Variants in BUD31 observed in about 807,000 individuals in gnomAD.
The protein encoded by BUD31 is BUD31 spliceosome associated protein, also known as protein BUD31 homolog.
A neutral mutation model predicts 17.9 loss-of-function variants in BUD31; 9 were observed. The observed-to-expected ratio is 0.50, with a 90% CI of 0.30 to 0.88. The LOEUF (loss-of-function observed/expected upper bound fraction) is 0.88, where lower values mean the gene tolerates loss of function less well. Ranked by LOEUF, BUD31 falls within the 40% of genes least tolerant of loss-of-function variation. The pLI is 0.06. For synonymous variants in BUD31, 70 were observed against 64.7 expected (o/e 1.08, Z -0.39); for missense variants, 148 against 184.5 (o/e 0.80, Z 1.15).
chr7:99,417,690 T>C (rs1469387762), intron 5 of BUD31, 95 bp downstream of exon 5: 1 of 1,557,078 alleles, frequency 6.4e-7, no homozygotes, highest in Non-Finnish European at 8.6e-7. Context: ...TGGGCTGGAA[T>C]GTCGTTTTGT....
At position 99,417,530 on chromosome 7, in the gene BUD31, C is replaced by G; in HGVS notation, c.319C>G (p.Gln107Glu). The change falls in exon 5 of 6, where the codon CAG (glutamine) becomes GAG (glutamate). Residue 107 changes from glutamine (Q) to glutamate (E), a missense_variant. Coordinates refer to ENST00000222969, the MANE Select transcript of BUD31 (RefSeq NM_003910.4). ...GAACTTGTGCTGCCTGCGGTGCATT[C>G]AGACACGGGACACCAACTTCGGGAC... ...YENLCCLRCI[Q>E]TRDTNFGTNC... 6.2e-7 allele frequency: 1 copy of G among 1,611,668 alleles called. No individual in the cohort carries two copies. The highest frequency in any genetic ancestry group is 8.5e-7 in the Non-Finnish European group (1 of 1,178,284).
chr7:99,413,766 A>G (rs1048975940), intron 3 of BUD31, among the ~76,000 whole-genome samples: 1 of 151,894 alleles, frequency 6.6e-6, no homozygotes, highest in Non-Finnish European at 1.5e-5. Context: ...TAATTTTTGT[A>G]TTTTCAGTAG....
In BUD31 at chr7:99,410,703, TAGGGTTA is replaced by T. The variant is rs1440301256; in HGVS notation, c.-29-358_-29-352del. ...TGTTCTGTGTTCCCAACATCCAGTA[TAGGGTTA>T]AGCTTTTAGTTGAAGTTAGCTAATG... On this transcript the variant is annotated intron_variant, in intron 2 of 5. Transcript: ENST00000222969. Among the ~76,000 whole-genome samples, 8 of 152,340 alleles carry T rather than the reference TAGGGTTA, an allele frequency of 5.3e-5. No homozygotes were observed. In the South Asian group the frequency reaches 6.2e-4, roughly 12 times the overall value.
intron 3 of BUD31, 105 bp from the exon 4 acceptor site, chr7:99,416,033 G>C: frequency 1.3e-6 from 2 of 1,496,048 alleles, no homozygotes; most frequent in Non-Finnish European, 1.8e-6. Context: ...AGCCATCCTA[G>C]TGGGTATAAA....
At chr7:99,412,378 T>G (rs1795226021) in intron 3 of BUD31, among the ~76,000 whole-genome samples, 2 of 152,160 alleles carry the variant, frequency 1.3e-5, no homozygotes, top group South Asian at 4.1e-4. Context: ...GAACCCTACT[T>G]TGTGTTTAGA....
intron 3 of BUD31, chr7:99,415,045 T>TGTAGGGTCCAGCCCC (rs1795340858): frequency 3.4e-6 from 1 of 293,506 alleles, no homozygotes; most frequent in Non-Finnish European, 6.7e-6. Context: ...TATAGTCATC[T>TGTAGGGTCCAGCCCC]GTAGGGTCCA....
rs563436821 is a variant in BUD31, at chr7:99,419,451, G to T, written c.*10G>T. ...TGGCTGCTCTGGCTGAGGCTGGCGC[G>T]CTCCACCCTGGACTCTGGACTTCGC... On this transcript the variant is annotated 3_prime_UTR_variant, in exon 6 of 6. Transcript: ENST00000222969. 1.9e-6 allele frequency: 3 copies of T among 1,610,272 alleles called. No homozygotes were observed. Among genetic ancestry groups the T allele is most frequent in the African/African-American group, 1.3e-5 (1 of 75,054 alleles).
At chr7:99,413,701 C>T (rs752296694) in intron 3 of BUD31, among the ~76,000 whole-genome samples, 4 of 152,140 alleles carry the variant, frequency 2.6e-5, no homozygotes, top group Non-Finnish European at 5.9e-5. Flanking sequence ...AAGCACTTCT[C>T]GTGCCTCAGC....
intron 3 of BUD31, 39 bp downstream of exon 3, chr7:99,411,225 A>G (rs748357525): frequency 7.2e-6 from 11 of 1,535,518 alleles, no homozygotes; most frequent in Admixed American, 1.7e-5. Flanking sequence ...GCTGGGTCCA[A>G]GGGTCACAGG....
intron 3 of BUD31, chr7:99,415,194 C>T (rs1795354056): frequency 2.2e-6 from 1 of 452,432 alleles, no homozygotes; most frequent in Non-Finnish European, 4.4e-6. Flanking sequence ...CCCCAAATGC[C>T]AGGCTGCACT....
chr7:99,412,606 CTTTTT>C (rs1795232087), intron 3 of BUD31, among the ~76,000 whole-genome samples: 1 of 150,200 alleles, frequency 6.7e-6, no homozygotes, highest in South Asian at 2.1e-4. Flanking sequence ...GTTTTCTTTT[CTTTTT>C]TTTCTTTTTT....
In BUD31 at chr7:99,417,467, A is replaced by G. The variant is rs980182252; in HGVS notation, c.256A>G (p.Lys86Glu). 1 of 1,612,758 alleles carries G rather than the reference A, an allele frequency of 6.2e-7. No individual in the cohort carries two copies. The highest frequency in any genetic ancestry group is 1.7e-5 in the Admixed American group (1 of 59,700). The change falls in exon 5 of 6, where the codon AAA becomes GAA. Residue 86 changes from lysine to glutamate, a missense_variant. Lys to Glu is a moderately conservative substitution (Grantham distance 56). Coordinates refer to ENST00000222969, the MANE Select transcript of BUD31 (RefSeq NM_003910.4). ...EYCIKEGYAD[K>E]NLIAKWKKQG... The stretch of plus-strand genomic sequence containing the variant: ...TTGTATTAAAGAAGGCTATGCAGAC[A>G]AAAACCTGATTGCAAAATGGAAAAA...
chr7:99,417,845 A>C (rs1257924690), intron 5 of BUD31: 1 of 1,437,478 alleles, frequency 7.0e-7, no homozygotes, highest in Non-Finnish European at 9.1e-7. Context: ...CCCTTTCCTC[A>C]CTTAGGAAAT....
At chr7:99,414,756 C>T (rs897401134) in intron 3 of BUD31, among the ~76,000 whole-genome samples, 1 of 152,100 alleles carries the variant, frequency 6.6e-6, no homozygotes, top group Admixed American at 6.5e-5. Context: ...CCACCATGCC[C>T]TGCTAATTCT....
At chr7:99,415,748 G>C (rs1048503363) in intron 3 of BUD31, among the ~76,000 whole-genome samples, 1 of 152,188 alleles carries the variant, frequency 6.6e-6, no homozygotes, top group African/African-American at 2.4e-5. Flanking sequence ...CATAACAGAA[G>C]GCTTGCACTC....
At chr7:99,416,095 G>A (rs746826725) in intron 3 of BUD31, 43 bp from the exon 4 acceptor site, 17 of 1,606,272 alleles carry the variant, frequency 1.1e-5, no homozygotes, top group Middle Eastern at 3.3e-4. Context: ...ATCCTGCGCA[G>A]ACCGACCCTA....
intron 5 of BUD31, 70 bp downstream of exon 5, chr7:99,417,665 CTTATG>C (rs768166951): frequency 6.9e-6 from 11 of 1,589,636 alleles, no homozygotes; most frequent in East Asian, 4.5e-5. Context: ...TGCAAGGGAT[CTTATG>C]TTATTTGGTT....
Position 99,417,595 on chromosome 7 carries a change from G to GATT in BUD31, c.384_384+1insATT (p.Val128_Gly129insIle). 1 of 1,611,216 alleles carries GATT rather than the reference G, an allele frequency of 6.2e-7. No individual in the cohort carries two copies. On this transcript the variant is annotated inframe_insertion and splice_region_variant. Coordinates refer to ENST00000222969, the MANE Select transcript of BUD31 (RefSeq NM_003910.4). ...GCGTGCCCAAAAGCAAGCTGGAAGTGGTAATGTCTGACACTCAAGCTTGGT... is the reference window on the plus strand; with the variant it reads ...GCGTGCCCAAAAGCAAGCTGGAAGTGATTGTAATGTCTGACACTCAAGCTTGGT...
At position 99,416,232 on chromosome 7, in the gene BUD31, CTT is replaced by C. The variant is rs1483890266; in HGVS notation, c.192_193del (p.Phe64LeufsTer12). 1 of 1,613,982 alleles carries C rather than the reference CTT, an allele frequency of 6.2e-7. No individual in the cohort carries two copies. Among genetic ancestry groups the C allele is most frequent in the Non-Finnish European group, 8.5e-7 (1 of 1,179,904 alleles). On this transcript the variant is annotated frameshift_variant, in exon 4 of 6. Coordinates refer to ENST00000222969, the MANE Select transcript of BUD31 (RefSeq NM_003910.4). LOFTEE classifies it high-confidence loss of function. The part of the protein sequence containing the change: ...HQKTRYIFDL[F>X]YKRKAISREL... The stretch of plus-strand genomic sequence containing the variant: ...AGAAAACCCGCTACATCTTCGACCT[CTT>C]TTACAAGCGGAAAGCCATCAGCAGA...
Sources: gnomAD v4.1 joint callset for allele counts (sites outside exome capture counted in the v4.1 genomes callset) on GRCh38, gnomAD v4.1.1 for gene constraint, MANE v1.5 for transcripts, NCBI Gene and HGNC (gene_info 2026-07-23, HGNC 2026-07-21) for gene names.